PTCHD4: variants seen among roughly 807,000 people sequenced by gnomAD.
PTCHD4 encodes patched domain containing 4.
A neutral mutation model predicts 58.1 loss-of-function variants in PTCHD4; 33 were observed. The ratio of observed to expected loss-of-function variants is 0.57; its 90% confidence interval spans 0.43 to 0.76. PTCHD4 has a LOEUF of 0.76. Ranked by LOEUF, PTCHD4 falls within the 30% of genes least tolerant of loss-of-function variation. PTCHD4 has a pLI of 0.00. For missense variants in PTCHD4, 1,058 were observed against 1,027.1 expected (o/e 1.03, Z -0.41); for synonymous variants, 478 against 409.6 (o/e 1.17, Z -2.02).
At chr6:48,073,096 C>T (rs1043609239) in intron 1 of PTCHD4, among the ~76,000 whole-genome samples, 2 of 152,150 alleles carry the variant, frequency 1.3e-5, no homozygotes, top group Non-Finnish European at 2.9e-5. Context: ...GGATATCAAT[C>T]ACATGGTAAT....
chr6:47,879,562 C>T lies in PTCHD4; in HGVS notation c.1273G>A (p.Asp425Asn). Residue 425 changes from aspartate to asparagine, a missense_variant, in exon 5 of 5, where the codon GAT becomes AAT. Coordinates refer to ENST00000339488, the MANE Select transcript of PTCHD4 (RefSeq NM_001384253.1). ...TGATGGGACGTCTGTTGATGCCCAT[C>T]ACTCATCACTGTCTGGAACCACACA... ...KPVWFQTVMSDGHQQTSHHET... is the reference protein window; with the variant it reads ...KPVWFQTVMSNGHQQTSHHET... 6.2e-7 allele frequency: 1 copy of T among 1,613,766 alleles called. No individual in the cohort carries two copies. Among genetic ancestry groups the T allele is most frequent in the South Asian group, 1.1e-5 (1 of 91,086 alleles).
chr6:48,082,906 C>T (rs1375278237), intron 1 of PTCHD4, among the ~76,000 whole-genome samples: 1 of 151,164 alleles, frequency 6.6e-6, no homozygotes. Context: ...TTTATTTAAC[C>T]ATCTTATTGG....
At chr6:48,056,634 G>C (rs1315610983) in intron 3 of PTCHD4, among the ~76,000 whole-genome samples, 1 of 152,220 alleles carries the variant, frequency 6.6e-6, no homozygotes, top group South Asian at 2.1e-4. Context: ...CATATTAAGA[G>C]TAACTTAAAT....
At chr6:47,901,340 A>C in intron 4 of PTCHD4, 1 of 635,344 alleles carries the variant, frequency 1.6e-6, no homozygotes, top group Non-Finnish European at 2.0e-6. Context: ...TGGTTTTAGT[A>C]TCAGGGTAAT....
chr6:47,931,899 G>A (rs943609379), intron 4 of PTCHD4, among the ~76,000 whole-genome samples: 3 of 152,116 alleles, frequency 2.0e-5, no homozygotes, highest in African/African-American at 7.2e-5. Context: ...AGTCATTTTA[G>A]TGGTGAGAAA....
At chr6:48,075,830 G>A (rs147339114) in intron 1 of PTCHD4, among the ~76,000 whole-genome samples, 392 of 152,312 alleles carry the variant, frequency 2.6e-3, no homozygotes, top group Non-Finnish European at 4.5e-3. Flanking sequence ...GTGGAAGGTC[G>A]TGCCTTGATG....
At chr6:47,981,774 T>A in intron 4 of PTCHD4, among the ~76,000 whole-genome samples, 1 of 152,184 alleles carries the variant, frequency 6.6e-6, no homozygotes, top group Non-Finnish European at 1.5e-5. Flanking sequence ...CATCTTCTCT[T>A]GGCTTTTGAC....
At position 47,878,752 on chromosome 6, in the gene PTCHD4, C is replaced by T. The variant is rs1763919004; in HGVS notation, c.2083G>A (p.Gly695Ser). The change falls in exon 5 of 5, where the codon GGC becomes AGC. Residue 695 changes from glycine to serine, a missense_variant. Gly to Ser is a moderately conservative substitution (Grantham distance 56). Coordinates refer to ENST00000339488, the MANE Select transcript of PTCHD4 (RefSeq NM_001384253.1). Reference protein sequence around the residue: ...LILSVTSIELGVLGLMTLWNV... With the variant: ...LILSVTSIELSVLGLMTLWNV... ...CATAATGTCATTAAGCCCAGAACGC[C>T]CAGCTCAATTGAGGTGACGCTAAGA... is the stretch of plus-strand genomic sequence containing the variant. 2 of 1,613,416 alleles carry T rather than the reference C, an allele frequency of 1.2e-6. No homozygotes were observed. The highest frequency in any genetic ancestry group is 1.1e-5 in the South Asian group (1 of 91,078).
chr6:47,986,514 A>G (rs999652846), intron 4 of PTCHD4, among the ~76,000 whole-genome samples: 8 of 152,154 alleles, frequency 5.3e-5, no homozygotes, highest in African/African-American at 1.7e-4. Context: ...TATTGTCAGG[A>G]CAATATGTTG....
At chr6:47,970,561 C>T (rs753735136) in intron 4 of PTCHD4, among the ~76,000 whole-genome samples, 7 of 152,120 alleles carry the variant, frequency 4.6e-5, no homozygotes, top group Non-Finnish European at 5.9e-5. Context: ...GATGAGGTTT[C>T]TACTCTGATG....
At position 48,023,437 on chromosome 6, in the gene PTCHD4, G is replaced by T. The variant is rs117501514; in HGVS notation, c.418-14323C>A. ...TAATGAAAGCAGTCATCACTTGTGA[G>T]TCTGGTAGTCAAAATTAGGCCAATT... On this transcript the variant is annotated intron_variant, in intron 3 of 4. Transcript: ENST00000339488. 1.3e-4 allele frequency among the ~76,000 whole-genome samples: 20 copies of T among 152,278 alleles called. No homozygotes were observed. In the East Asian group the frequency reaches 3.9e-3, roughly 29 times the overall value.
intron 4 of PTCHD4, among the ~76,000 whole-genome samples, chr6:47,909,778 T>G (rs1765011856): frequency 6.6e-6 from 1 of 151,708 alleles, no homozygotes; most frequent in Non-Finnish European, 1.5e-5. Context: ...TTAGATTTTC[T>G]TGGCCAAGTC....
intron 4 of PTCHD4, among the ~76,000 whole-genome samples, chr6:47,956,951 G>A (rs1196068277): frequency 6.6e-6 from 1 of 151,896 alleles, no homozygotes; most frequent in Non-Finnish European, 1.5e-5. Flanking sequence ...CTCACTTGAG[G>A]TCAGGAGTTC....
At chr6:47,888,912 G>GT (rs1409782775) in intron 4 of PTCHD4, among the ~76,000 whole-genome samples, 1 of 103,910 alleles carries the variant, frequency 9.6e-6, no homozygotes, top group Non-Finnish European at 1.9e-5. Context: ...GCGGTGTTTG[G>GT]TTTTTTGTTC....
intron 1 of PTCHD4, among the ~76,000 whole-genome samples, chr6:48,105,191 C>G (rs1765692776): frequency 6.6e-6 from 1 of 152,116 alleles, no homozygotes; most frequent in Admixed American, 6.5e-5. Flanking sequence ...AAATTGACCA[C>G]ATAGTTGGAA....
intron 4 of PTCHD4, among the ~76,000 whole-genome samples, chr6:47,882,741 G>GAGAGATATATATATATATATATATATAT (rs143060584): frequency 2.0e-5 from 2 of 102,440 alleles, no homozygotes; most frequent in Non-Finnish European, 2.1e-5. Flanking sequence ...TGATTCCAGT[G>GAGAGATATATATATATATATATATATAT]ATATATATAT....
Position 47,862,135 on chromosome 6 carries a change from A to T in PTCHD4, c.*16168T>A, listed in dbSNP as rs1763444474. The stretch of plus-strand genomic sequence containing the variant: ...TGTGTGTAACTCTGATTGGAGTTTC[A>T]GCACTTCTTTATTGTATAGGTATGA... On this transcript the variant is annotated 3_prime_UTR_variant, in exon 5 of 5. Transcript: ENST00000339488. Among the ~76,000 whole-genome samples, 1 of 151,890 alleles carries T rather than the reference A, an allele frequency of 6.6e-6. No homozygotes were observed. The highest frequency in any genetic ancestry group is 2.1e-4 in the South Asian group (1 of 4,830).
chr6:47,948,955 A>G (rs1466818631), intron 4 of PTCHD4, among the ~76,000 whole-genome samples: 1 of 152,230 alleles, frequency 6.6e-6, no homozygotes, highest in Non-Finnish European at 1.5e-5. Context: ...AGGCTCTAGG[A>G]ACCAATAGTA....
intron 1 of PTCHD4, among the ~76,000 whole-genome samples, chr6:48,110,822 C>G (rs1034053664): frequency 6.9e-6 from 1 of 144,798 alleles, no homozygotes; most frequent in Non-Finnish European, 1.5e-5. Flanking sequence ...ATATTTTTAT[C>G]TTTACAAATA....
Sources: gnomAD v4.1 joint callset for allele counts (sites outside exome capture counted in the v4.1 genomes callset) on GRCh38, gnomAD v4.1.1 for gene constraint, MANE v1.5 for transcripts, NCBI Gene and HGNC (gene_info 2026-07-23, HGNC 2026-07-21) for gene names.